Variants in ARHGAP15 observed in about 807,000 individuals in gnomAD.
ARHGAP15 encodes rho GTPase-activating protein 15.
ARHGAP15 carries 51 observed loss-of-function variants against 63.7 expected under a neutral mutation model. The observed-to-expected ratio is 0.80, with a 90% CI of 0.64 to 1.01. The LOEUF (loss-of-function observed/expected upper bound fraction) is 1.01, where lower values mean the gene tolerates loss of function less well. Ranked by LOEUF, ARHGAP15 falls within the 50% of genes least tolerant of loss-of-function variation. ARHGAP15 has a pLI of 0.00. For synonymous variants in ARHGAP15, 191 were observed against 193.8 expected (o/e 0.99, Z 0.12); for missense variants, 560 against 564.6 (o/e 0.99, Z 0.08).
At chr2:143,701,520 GC>G (rs1684089423) in intron 12 of ARHGAP15, among the ~76,000 whole-genome samples, 1 of 152,124 alleles carries the variant, frequency 6.6e-6, no homozygotes, top group South Asian at 2.1e-4. Flanking sequence ...GATTGCTTGA[GC>G]CCTGGAGTTC....
intron 9 of ARHGAP15, among the ~76,000 whole-genome samples, chr2:143,503,545 C>A (rs961439946): frequency 6.6e-6 from 1 of 152,190 alleles, no homozygotes; most frequent in East Asian, 1.9e-4. Flanking sequence ...AAGCAAGTAG[C>A]GTAGCAAACA....
At chr2:143,516,083 C>T (rs1693802868) in intron 9 of ARHGAP15, among the ~76,000 whole-genome samples, 1 of 152,178 alleles carries the variant, frequency 6.6e-6, no homozygotes, top group African/African-American at 2.4e-5. Flanking sequence ...ACCACATGCT[C>T]CCACATTGCC....
chr2:143,476,752 A>C (rs866889105), intron 8 of ARHGAP15, among the ~76,000 whole-genome samples: 1 of 152,260 alleles, frequency 6.6e-6, no homozygotes, highest in African/African-American at 2.4e-5. Flanking sequence ...ATATTTTGCA[A>C]ACACATAGCA....
intron 9 of ARHGAP15, among the ~76,000 whole-genome samples, chr2:143,516,503 TC>T (rs148417382): frequency 0.036 from 5,547 of 152,212 alleles, 330 homozygotes; most frequent in African/African-American, 0.13. Context: ...CCTGCTATAT[TC>T]TTTTTTTTGT....
chr2:143,343,337 A>T (rs910980673), intron 6 of ARHGAP15, among the ~76,000 whole-genome samples: 2 of 152,040 alleles, frequency 1.3e-5, no homozygotes, highest in Non-Finnish European at 2.9e-5. Context: ...TGGGATAGAG[A>T]ATAAAGGCAA....
intron 5 of ARHGAP15, among the ~76,000 whole-genome samples, chr2:143,239,990 C>CAAA (rs60960176): frequency 0.01 from 266 of 26,448 alleles, 50 homozygotes; most frequent in South Asian, 0.024. Context: ...GACTCTGTCT[C>CAAA]AAAAAAAAAA....
chr2:143,564,680 T>C (rs182390003), intron 11 of ARHGAP15, among the ~76,000 whole-genome samples: 1 of 152,300 alleles, frequency 6.6e-6, no homozygotes, highest in African/African-American at 2.4e-5. Context: ...ACTAGTTTTC[T>C]AGTGAGGGGA....
intron 13 of ARHGAP15, among the ~76,000 whole-genome samples, chr2:143,733,832 T>C (rs1685642090): frequency 6.6e-6 from 1 of 152,160 alleles, no homozygotes; most frequent in Admixed American, 6.5e-5. Context: ...GTACAATACC[T>C]AAGATGGAAT....
At chr2:143,502,893 C>A (rs1693134265) in intron 9 of ARHGAP15, among the ~76,000 whole-genome samples, 1 of 152,154 alleles carries the variant, frequency 6.6e-6, no homozygotes, top group Non-Finnish European at 1.5e-5. Flanking sequence ...TGTGTGGATT[C>A]TTTCTGGCCT....
chr2:143,254,678 A>C (rs1426628788), intron 6 of ARHGAP15, among the ~76,000 whole-genome samples: 8 of 152,042 alleles, frequency 5.3e-5, no homozygotes, highest in African/African-American at 1.9e-4. Context: ...TTAGTACTTA[A>C]ATATCCTTTA....
intron 13 of ARHGAP15, among the ~76,000 whole-genome samples, chr2:143,732,910 G>GC (rs556741473): frequency 4.1e-5 from 5 of 122,014 alleles, no homozygotes. Flanking sequence ...TTGTTTTTGG[G>GC]TTTTTTTTTT....
chr2:143,426,953 G>A (rs914785918), intron 6 of ARHGAP15, among the ~76,000 whole-genome samples: 1 of 152,152 alleles, frequency 6.6e-6, no homozygotes, highest in African/African-American at 2.4e-5. Flanking sequence ...GAGTTGAATT[G>A]TCTTGAGCCG....
At chr2:143,418,903 A>G (rs1358532472) in intron 6 of ARHGAP15, among the ~76,000 whole-genome samples, 3 of 152,168 alleles carry the variant, frequency 2.0e-5, no homozygotes, top group Non-Finnish European at 4.4e-5. Flanking sequence ...TGTATCGAAG[A>G]TTTGCTTTGG....
chr2:143,452,993 T>A (rs1178865560), intron 8 of ARHGAP15, among the ~76,000 whole-genome samples: 1 of 151,924 alleles, frequency 6.6e-6, no homozygotes, highest in Non-Finnish European at 1.5e-5. Context: ...AGTTGTTATG[T>A]CTCCCATACC....
At chr2:143,281,901 A>T (rs570977764) in intron 6 of ARHGAP15, among the ~76,000 whole-genome samples, 23 of 152,242 alleles carry the variant, frequency 1.5e-4, no homozygotes, top group African/African-American at 5.5e-4. Flanking sequence ...AATATTTTTA[A>T]AGTCTTCTAT....
chr2:143,716,406 C>A (rs201128105), intron 13 of ARHGAP15, among the ~76,000 whole-genome samples: 1 of 152,150 alleles, frequency 6.6e-6, no homozygotes, highest in African/African-American at 2.4e-5. Context: ...TCTTGAAATA[C>A]AAAAATTTAT....
At chr2:143,222,752 T>G (rs1362750314) in intron 4 of ARHGAP15, among the ~76,000 whole-genome samples, 2 of 151,860 alleles carry the variant, frequency 1.3e-5, no homozygotes, top group Non-Finnish European at 2.9e-5. Flanking sequence ...TGTCTGCTAG[T>G]TTTTTTTGCA....
chr2:143,366,652 A>G (rs1481817740), intron 6 of ARHGAP15, among the ~76,000 whole-genome samples: 1 of 152,108 alleles, frequency 6.6e-6, no homozygotes, highest in Non-Finnish European at 1.5e-5. Flanking sequence ...ATAAAAATCT[A>G]TATGTTTCAG....
chr2:143,280,491 G>GT lies in ARHGAP15; in HGVS notation c.474+29892dup, dbSNP rs772893538. Among the ~76,000 whole-genome samples the GT allele has an allele frequency of 9.9e-5, 15 of 152,276 alleles. 1 individual carries two copies. In the South Asian group the frequency reaches 1.9e-3, roughly 19 times the overall value. On this transcript the variant is annotated intron_variant, in intron 6 of 13. Coordinates refer to ENST00000295095, the MANE Select transcript of ARHGAP15 (RefSeq NM_018460.4). ...ACTACCAACCACTTACCTAAGTCAG[G>GT]TATTGGGCCCTGACCCTTCTCATCA... is the stretch of plus-strand genomic sequence containing the variant.
Sources: gnomAD v4.1 joint callset for allele counts (sites outside exome capture counted in the v4.1 genomes callset) on GRCh38, gnomAD v4.1.1 for gene constraint, MANE v1.5 for transcripts, NCBI Gene and HGNC (gene_info 2026-07-23, HGNC 2026-07-21) for gene names.